Variants in TRPM5 observed in about 807,000 individuals in gnomAD.
TRPM5 encodes the protein transient receptor potential cation channel subfamily M member 5, also known as MLSN1 and TRP-related.
Under a neutral mutation model 124.9 loss-of-function variants are expected in TRPM5, and 121 were observed. The observed-to-expected ratio is 0.97, with a 90% confidence interval of 0.84 to 1.13. The LOEUF is 1.13. TRPM5 is among the 50% of genes most tolerant of loss of function. The probability of loss-of-function intolerance (pLI) is 0.00; values close to 1 mark genes in which losing one functional copy is unlikely to be tolerated. For synonymous variants in TRPM5, 781 were observed against 700.5 expected (o/e 1.11, Z -1.81); for missense variants, 1,643 against 1,589.1 (o/e 1.03, Z -0.58).
exon 4 of TRPM5, chr11:2,420,283 C>A (rs376383776): frequency 5.1e-5 from 82 of 1,612,168 alleles, no homozygotes; most frequent in Non-Finnish European, 6.8e-5. Flanking sequence ...GCTCCGTCAG[C>A]CCATCGCCCT....
chr11:2,413,254 G>C (rs993114184), intron 13 of TRPM5, 28 bp from the exon 19 acceptor site: 1 of 1,507,806 alleles, frequency 6.6e-7, no homozygotes. Context: ...CTCAGGGCCC[G>C]CAGGAAGGGC....
rs539122127 is a variant in TRPM5 at position 2,418,727 on chromosome 11, G to A, written c.650-136C>T. 51 of 847,868 alleles carry A rather than the reference G, an allele frequency of 6.0e-5. No individual in the cohort carries two copies. The East Asian group carries it at 1.3e-3, about 22-fold the overall frequency. 52.5% of individuals were successfully genotyped at this position (847,868 alleles called of 1,614,324 possible). ...AAAGTGTGGGCTTCGTCTGGGCCAC[G>A]TGACACAGGCTGCTTATTACAGCCC... On this transcript the variant is annotated intron_variant, in intron 4 of 23. Transcript: ENST00000155858.
the TRPM5 span, among the ~76,000 whole-genome samples, chr11:2,429,311 C>G: frequency 6.9e-6 from 1 of 144,044 alleles, no homozygotes; most frequent in Non-Finnish European, 1.5e-5. This position sits in a 1 kb window ranked among gnomAD's most constrained non-coding sequence, Gnocchi z 8.4. Flanking sequence ...AGTGCTGCTG[C>G]TGATGGTGGT....
intron 11 of TRPM5, 41 bp downstream of exon 16, chr11:2,414,674 T>C (rs760982193): frequency 6.8e-7 from 1 of 1,461,628 alleles, no homozygotes. Context: ...CGTCACATCC[T>C]CCCCCGCGCG....
the TRPM5 span, among the ~76,000 whole-genome samples, chr11:2,438,107 A>G: frequency 6.6e-6 from 1 of 152,230 alleles, no homozygotes; most frequent in African/African-American, 2.4e-5. The surrounding 1 kb of genome is among the most constrained non-coding windows in gnomAD (Gnocchi z 5.9). Flanking sequence ...CAATAGATTC[A>G]GAAAAAGTCT....
At position 2,411,774 on chromosome 11, in the gene TRPM5, G is replaced by A; in HGVS notation, c.2475-7C>T. 6.2e-7 allele frequency: 1 copy of A among 1,612,390 alleles called. No homozygotes were observed. Among genetic ancestry groups the A allele is most frequent in the Non-Finnish European group, 8.5e-7 (1 of 1,179,758 alleles). On this transcript the variant is annotated splice_polypyrimidine_tract_variant and splice_region_variant and intron_variant, in intron 16 of 23. Transcript: ENST00000155858. ...AAACGCCGACGGCAGCATCCTGGAG[G>A]ATGGGAGGCTGATGCGGCTGCGGGG...
exon 11 of TRPM5, chr11:2,414,761 C>T: frequency 6.5e-7 from 1 of 1,549,820 alleles, no homozygotes; most frequent in Non-Finnish European, 8.7e-7. Flanking sequence ...CTCGGGCCGC[C>T]TCGGCCTCCG....
At chr11:2,407,473 C>T (rs1850347265) in intron 19 of TRPM5, among the ~76,000 whole-genome samples, 173 bp from the exon 25 acceptor site, 1 of 152,190 alleles carries the variant, frequency 6.6e-6, no homozygotes, top group South Asian at 2.1e-4. Flanking sequence ...TGGGTCTTCC[C>T]CTGTCCACTC....
chr11:2,421,212 A>AGAGG lies in TRPM5; in HGVS notation c.299-18_299-15dup, dbSNP rs1453178110. 2.5e-5 allele frequency: 39 copies of AGAGG among 1,531,882 alleles called. No individual in the cohort carries two copies. In the East Asian group the frequency reaches 8.5e-4, roughly 34 times the overall value. 94.9% of individuals were successfully genotyped at this position (1,531,882 alleles called of 1,614,324 possible). ...GGATCCAGGCTCCTGTGGGGATGGAAGAGGGCCTCGTTGTGCCGCACGCCC... is the reference window on the plus strand; with the variant it reads ...GGATCCAGGCTCCTGTGGGGATGGAAGAGGGAGGGCCTCGTTGTGCCGCACGCCC... On this transcript the variant is annotated splice_polypyrimidine_tract_variant and intron_variant, in intron 2 of 23. Transcript: ENST00000155858.
At chr11:2,417,877 G>A in intron 6 of TRPM5, 48 bp from the exon 12 acceptor site, 1 of 1,507,702 alleles carries the variant, frequency 6.6e-7, no homozygotes, top group Non-Finnish European at 9.0e-7. Context: ...GCCAGGACGG[G>A]GGCAGAGGCA....
upstream of TRPM5, among the ~76,000 whole-genome samples, chr11:2,425,450 C>G (rs1761362622): frequency 6.6e-6 from 1 of 152,200 alleles, no homozygotes; most frequent in African/African-American, 2.4e-5. Flanking sequence ...GCCCGCCCTA[C>G]CCCAGCGTGG....
exon 19 of TRPM5, chr11:2,407,885 G>A: frequency 6.2e-7 from 1 of 1,613,880 alleles, no homozygotes; most frequent in Non-Finnish European, 8.5e-7. Flanking sequence ...CAGCAGCAGT[G>A]GGTGGGTGGA....
chr11:2,417,881 A>G (rs1845708903), intron 6 of TRPM5, 52 bp from the exon 12 acceptor site: 1 of 1,491,992 alleles, frequency 6.7e-7, no homozygotes, highest in Non-Finnish European at 9.1e-7. Flanking sequence ...GGACGGGGGC[A>G]GAGGCAGGCC....
chr11:2,432,209 T>C, the TRPM5 span, among the ~76,000 whole-genome samples: 1 of 152,216 alleles, frequency 6.6e-6, no homozygotes, highest in African/African-American at 2.4e-5. Context: ...CGTGCTGTCA[T>C]GAGGGACATC....
the TRPM5 span, among the ~76,000 whole-genome samples, chr11:2,429,986 T>C: frequency 6.6e-6 from 1 of 151,458 alleles, no homozygotes; most frequent in Admixed American, 6.6e-5. The surrounding 1 kb of genome is among the most constrained non-coding windows in gnomAD (Gnocchi z 8.4). Flanking sequence ...TCTAAGTCTA[T>C]GGAGTTGGGG....
the TRPM5 span, among the ~76,000 whole-genome samples, chr11:2,443,387 C>A: frequency 6.6e-6 from 1 of 152,216 alleles, no homozygotes; most frequent in African/African-American, 2.4e-5. This position sits in a 1 kb window ranked among gnomAD's most constrained non-coding sequence, Gnocchi z 5.0. Flanking sequence ...GCTGTGTGCC[C>A]TGCAGAGCTG....
exon 9 of TRPM5, chr11:2,415,225 G>C (rs759309516): frequency 6.3e-7 from 1 of 1,575,450 alleles, no homozygotes; most frequent in Admixed American, 1.8e-5. Flanking sequence ...GAGAAGGCCG[G>C]TGGCCCCGCG....
intron 12 of TRPM5, 52 bp downstream of exon 17, chr11:2,414,009 G>GGGCGGCCCCCCCC: frequency 4.9e-6 from 5 of 1,023,730 alleles, no homozygotes; most frequent in African/African-American, 1.6e-5. Context: ...GGCCCAGCTC[G>GGGCGGCCCCCCCC]CCCGCCCACC....
chr11:2,433,269 T>C, the TRPM5 span, among the ~76,000 whole-genome samples: 1 of 152,248 alleles, frequency 6.6e-6, no homozygotes, highest in African/African-American at 2.4e-5. Context: ...TGTCCTGTCC[T>C]GGAGCTTCCA....
Sources: allele counts gnomAD v4.1 joint callset (sites outside exome capture counted in the v4.1 genomes callset), GRCh38; gene constraint gnomAD v4.1.1; non-coding constraint Gnocchi (gnomAD v3.1); transcripts MANE v1.5; gene names NCBI Gene and HGNC (gene_info 2026-07-23, HGNC 2026-07-21).